The following MED26 variants were observed in gnomAD, a reference collection of about 807,000 sequenced individuals.
The protein encoded by MED26 is mediator complex subunit 26, also known as mediator of RNA polymerase II transcription subunit 26.
In MED26, 7 loss-of-function variants were observed where a neutral mutation model predicts 43.7. The ratio of observed to expected loss-of-function variants is 0.16; its 90% CI spans 0.09 to 0.30. The LOEUF (loss-of-function observed/expected upper bound fraction) is 0.30. Among genes scored for constraint, MED26 ranks in the 10% least tolerant of loss-of-function variants. The pLI, the probability that MED26 is intolerant of heterozygous loss-of-function variation, is 1.00. For missense variants in MED26, 784 were observed against 840.6 expected (o/e 0.93, Z 0.83); for synonymous variants, 375 against 371.1 (o/e 1.01, Z -0.12).
At chr19:16,627,088 G>A (rs1170260372) in intron 1 of MED26, among the ~76,000 whole-genome samples, 1 of 152,196 alleles carries the variant, frequency 6.6e-6, no homozygotes, top group East Asian at 1.9e-4. Flanking sequence ...GTGAGGGAAA[G>A]AGCCTACTGA....
chr19:16,594,456 T>C (rs1339621344), intron 1 of MED26, among the ~76,000 whole-genome samples: 1 of 152,124 alleles, frequency 6.6e-6, no homozygotes, highest in Non-Finnish European at 1.5e-5. Flanking sequence ...GAAACCAACC[T>C]GAGAGGCCAT....
At position 16,577,262 on chromosome 19, in the gene MED26, C is replaced by G. The variant is rs752988166; in HGVS notation, c.568G>C (p.Glu190Gln). The change falls in exon 3 of 3, where the codon GAG becomes CAG. Residue 190 changes from glutamate to glutamine, a missense_variant. By Grantham distance (29) the Glu-to-Gln change is conservative. Transcript: ENST00000263390. The surrounding 1 kb of genome is among the most constrained non-coding windows in gnomAD (Gnocchi z 8.1). ...CCATCCAGGGAGCTGGCGAAGCTCT[C>G]TGGACTCCCACTGATCCCGTTGGTG... ...LPTNGISGSP[E>Q]SFASSLDGSG... 2 of 1,612,980 alleles carry G rather than the reference C, an allele frequency of 1.2e-6. No individual in the cohort carries two copies. The highest frequency in any genetic ancestry group is 2.7e-5 in the African/African-American group (2 of 75,032).
rs879814628 is a variant in MED26, at chr19:16,577,932, G to C, written c.148-250C>G. 6.3e-6 allele frequency: 3 copies of C among 473,618 alleles called. No homozygotes were observed. Among genetic ancestry groups the C allele is most frequent in the Non-Finnish European group, 1.1e-5 (3 of 268,664 alleles). 29.3% of individuals were successfully genotyped at this position (473,618 alleles called of 1,614,324 possible). ...AGCAGTGCTGTCACCCAGGCTCCTGGTGTCAGGGGGCTGTGGACCATCAAG... is the reference window on the plus strand; with the variant it reads ...AGCAGTGCTGTCACCCAGGCTCCTGCTGTCAGGGGGCTGTGGACCATCAAG... On this transcript the variant is annotated intron_variant, in intron 2 of 2. Transcript: ENST00000263390. This position sits in a 1 kb window ranked among gnomAD's most constrained non-coding sequence, Gnocchi z 8.1.
At chr19:16,581,610 G>GC (rs781065026) in intron 1 of MED26, among the ~76,000 whole-genome samples, 18 of 152,258 alleles carry the variant, frequency 1.2e-4, no homozygotes, top group Non-Finnish European at 2.1e-4. Flanking sequence ...CCTGCTGCCA[G>GC]ACAAGAGGGA....
At position 16,621,646 on chromosome 19, in the gene MED26, G is replaced by A. The variant is rs1339517507; in HGVS notation, c.72+6226C>T. Among the ~76,000 whole-genome samples, 4 of 151,900 alleles carry A rather than the reference G, an allele frequency of 2.6e-5. No homozygotes were observed. In the South Asian group the frequency reaches 6.3e-4, roughly 24 times the overall value. ...TTTTGAATAGGCTCCACAGAGAATC[G>A]CAGAACCTCCCGGTACTTGGATGGT... On this transcript the variant is annotated intron_variant, in intron 1 of 2. Transcript: ENST00000263390.
At chr19:16,613,783 T>C (rs919845596) in intron 1 of MED26, among the ~76,000 whole-genome samples, 3 of 152,236 alleles carry the variant, frequency 2.0e-5, no homozygotes, top group African/African-American at 4.8e-5. Context: ...ATTTCTGTTA[T>C]GGCCCCAGGA....
At chr19:16,590,174 A>AC (rs1396474991) in intron 1 of MED26, among the ~76,000 whole-genome samples, 1 of 152,200 alleles carries the variant, frequency 6.6e-6, no homozygotes, top group Non-Finnish European at 1.5e-5. Flanking sequence ...GGCAGCACCC[A>AC]CTGGGCATGG....
At position 16,578,417 on chromosome 19, in the gene MED26, A is replaced by G. The variant is rs751082573; in HGVS notation, c.73-8T>C. 1.2e-6 allele frequency: 2 copies of G among 1,613,818 alleles called. No homozygotes were observed. The highest frequency in any genetic ancestry group is 2.2e-5 in the South Asian group (2 of 91,018). On this transcript the variant is annotated splice_region_variant and splice_polypyrimidine_tract_variant and intron_variant, in intron 1 of 2. Coordinates refer to ENST00000263390, the MANE Select transcript of MED26 (RefSeq NM_004831.5). ...CGCCACCATGTTCCGGATCTGTGGAAATAAAAAGCCATTTGTCAGGTCCCT... is the reference window on the plus strand; with the variant it reads ...CGCCACCATGTTCCGGATCTGTGGAGATAAAAAGCCATTTGTCAGGTCCCT...
At chr19:16,604,104 G>A (rs1030268204) in intron 1 of MED26, among the ~76,000 whole-genome samples, 1 of 152,226 alleles carries the variant, frequency 6.6e-6, no homozygotes, top group African/African-American at 2.4e-5. Flanking sequence ...ATCATGAAGC[G>A]GCTTCTAGCA....
chr19:16,596,042 G>A (rs146636891), intron 1 of MED26, among the ~76,000 whole-genome samples: 81 of 152,178 alleles, frequency 5.3e-4, no homozygotes, highest in African/African-American at 1.9e-3. Context: ...ACAGGGTCTC[G>A]CCCTGTTGCC....
chr19:16,599,250 G>A (rs1214765928), intron 1 of MED26, among the ~76,000 whole-genome samples: 1 of 152,052 alleles, frequency 6.6e-6, no homozygotes, highest in African/African-American at 2.4e-5. Flanking sequence ...GAAAATAAAT[G>A]CATAGCTATC....
rs148325897 is a variant in MED26, at chr19:16,590,353, C to T, written c.73-11944G>A. 9.3e-3 allele frequency among the ~76,000 whole-genome samples: 1,410 copies of T among 152,336 alleles called. 13 individuals are homozygous for T. Among genetic ancestry groups the T allele is most frequent in the Middle Eastern group, 0.02 (6 of 294 alleles). On this transcript the variant is annotated intron_variant, in intron 1 of 2. Coordinates refer to ENST00000263390, the MANE Select transcript of MED26 (RefSeq NM_004831.5). ...TAACCTAACCTGCTACCCCATGCAG[C>T]CAGCACACACCTGCCTCCCTGCTCC... is the stretch of plus-strand genomic sequence containing the variant.
rs1288502177 is a variant in MED26, at chr19:16,575,877, C to G, written c.*150G>C. 1 of 645,266 alleles carries G rather than the reference C, an allele frequency of 1.5e-6. No individual in the cohort carries two copies. Among genetic ancestry groups the G allele is most frequent in the African/African-American group, 1.8e-5 (1 of 54,434 alleles). The allele number at this position is 645,266 out of a possible 1,614,324, so 40.0% of individuals were successfully genotyped here. A position where few individuals can be genotyped will look rare whatever the true frequency, so the allele number is the denominator to read the frequency against. On this transcript the variant is annotated 3_prime_UTR_variant, in exon 3 of 3. Transcript: ENST00000263390. ...TTTTGAGGGAAGAGCGCAGAGAGAC[C>G]GCGTGACTCCCGCCCCCTCCCTCCC...
chr19:16,592,348 G>A (rs938210682), intron 1 of MED26, among the ~76,000 whole-genome samples: 4 of 152,172 alleles, frequency 2.6e-5, no homozygotes, highest in African/African-American at 7.2e-5. Flanking sequence ...GCCCTGTCCC[G>A]TCCCATGCCA....
chr19:16,613,967 C>T (rs1420350773), intron 1 of MED26, among the ~76,000 whole-genome samples: 6 of 152,116 alleles, frequency 3.9e-5, no homozygotes, highest in African/African-American at 1.4e-4. Context: ...CTCAGGAAGA[C>T]AACATCCCAA....
rs1210234876 is a variant in MED26 at position 16,576,919 on chromosome 19, G to A, written c.911C>T (p.Pro304Leu). ...KGSVPSPSPR[P>L]QALDATQVPS... Reference sequence around the variant, plus strand: ...CACCTGTGTGGCATCGAGTGCCTGGGGCCGCGGTGAGGGGCTGGGCACGGA... The same window carrying A: ...CACCTGTGTGGCATCGAGTGCCTGGAGCCGCGGTGAGGGGCTGGGCACGGA... Residue 304 changes from proline to leucine, a missense_variant, in exon 3 of 3, where the codon CCC becomes CTC. This residue lies in a region of MED26 where 719 missense variants were observed against 730.9 expected (regional missense o/e 0.98). Transcript: ENST00000263390. This position sits in a 1 kb window ranked among gnomAD's most constrained non-coding sequence, Gnocchi z 6.8. 4 of 1,598,232 alleles carry A rather than the reference G, an allele frequency of 2.5e-6. No homozygotes were observed. Among genetic ancestry groups the A allele is most frequent in the Middle Eastern group, 1.7e-4 (1 of 5,994 alleles).
At chr19:16,622,324 C>G (rs1011524338) in intron 1 of MED26, among the ~76,000 whole-genome samples, 1 of 152,198 alleles carries the variant, frequency 6.6e-6, no homozygotes, top group African/African-American at 2.4e-5. Context: ...CCCTATGAGG[C>G]GCCAAGCCCC....
chr19:16,618,585 T>C (rs1402853996), intron 1 of MED26, among the ~76,000 whole-genome samples: 5 of 152,128 alleles, frequency 3.3e-5, no homozygotes, highest in Admixed American at 6.6e-5. Context: ...TTTCCCATTT[T>C]TTTCCCCAAA....
At chr19:16,627,103 G>A (rs916618379) in intron 1 of MED26, among the ~76,000 whole-genome samples, 14 of 152,100 alleles carry the variant, frequency 9.2e-5, no homozygotes, top group African/African-American at 3.4e-4. Flanking sequence ...TACTGAAACA[G>A]AGCTCTTGGG....
Sources: gnomAD v4.1 joint callset for allele counts (sites outside exome capture counted in the v4.1 genomes callset) on GRCh38, gnomAD v4.1.1 for gene constraint, gnomAD v4.1.1 regional missense constraint, Gnocchi (gnomAD v3.1) non-coding constraint, MANE v1.5 for transcripts, NCBI Gene and HGNC (gene_info 2026-07-23, HGNC 2026-07-21) for gene names.